Variants in ARHGEF28 observed in about 807,000 individuals in gnomAD.
The protein encoded by ARHGEF28 is 190 kDa guanine nucleotide exchange factor.
In ARHGEF28, 152 loss-of-function variants were observed where a neutral mutation model predicts 206.6. The ratio of observed to expected loss-of-function variants is 0.74; its 90% CI spans 0.64 to 0.84. The LOEUF (loss-of-function observed/expected upper bound fraction) is 0.84. ARHGEF28 is among the 40% of genes least tolerant of loss of function. ARHGEF28 has a pLI of 0.00. For synonymous variants in ARHGEF28, 763 were observed against 776.4 expected (o/e 0.98, Z 0.29); for missense variants, 2,028 against 2,073.2 (o/e 0.98, Z 0.42).
rs775513498 is a variant in ARHGEF28 at position 73,865,969 on chromosome 5, T to C, written c.2108T>C (p.Phe703Ser). 3 of 1,595,814 alleles carry C rather than the reference T, an allele frequency of 1.9e-6. No individual in the cohort carries two copies. Among genetic ancestry groups the C allele is most frequent in the Non-Finnish European group, 2.6e-6 (3 of 1,167,112 alleles). ...KDAAPACTKK[F>S]QEKYNKNKPQ... The stretch of plus-strand genomic sequence containing the variant: ...GTTTCTAATATTCTTTACCAGAAAT[T>C]CCAAGAGAAATATAACAAGAACAAA... Residue 703 changes from phenylalanine to serine, a missense_variant, in exon 18 of 36, where the codon TTC (phenylalanine) becomes TCC (serine). Transcript: ENST00000513042.
Position 73,898,085 on chromosome 5 carries a change from C to A in ARHGEF28, c.3965C>A (p.Pro1322Gln). 6.2e-7 allele frequency: 1 copy of A among 1,611,416 alleles called. No homozygotes were observed. Among genetic ancestry groups the A allele is most frequent in the Non-Finnish European group, 8.5e-7 (1 of 1,178,794 alleles). Residue 1322 changes from proline (P) to glutamine (Q), a missense_variant, in exon 30 of 36, where the codon CCG (proline) becomes CAG (glutamine). Pro to Gln is a moderately conservative substitution (Grantham distance 76). Around this residue, in one of 3 missense-constraint regions of ARHGEF28, gnomAD observed 803 missense variants for 768.0 expected, o/e 1.05. Transcript: ENST00000513042. ...TLSSHDVPGS[P>Q]TASLVTGGRE... ...AGTTCTCATGATGTACCAGGATCACCGACTGCCTGTAAGTGAAAATGCAGG... is the reference window on the plus strand; with the variant it reads ...AGTTCTCATGATGTACCAGGATCACAGACTGCCTGTAAGTGAAAATGCAGG...
intron 30 of ARHGEF28, chr5:73,899,911 G>T (rs889365677): frequency 2.0e-5 from 3 of 152,326 alleles, no homozygotes; most frequent in Admixed American, 2.0e-4. Flanking sequence ...TTTCCCATTT[G>T]ATTTTCCTAA....
chr5:73,705,145 C>G (rs184563716), intron 2 of ARHGEF28, among the ~76,000 whole-genome samples: 1 of 152,186 alleles, frequency 6.6e-6, no homozygotes, highest in African/African-American at 2.4e-5. Flanking sequence ...CAATTAACCC[C>G]TTGATTTGCT....
intron 2 of ARHGEF28, among the ~76,000 whole-genome samples, chr5:73,733,393 T>G (rs74422646): frequency 6.6e-6 from 1 of 152,142 alleles, no homozygotes; most frequent in East Asian, 1.9e-4. Context: ...TTAAGCCAGT[T>G]GTTTAAAGCT....
chr5:73,667,561 A>G (rs1291173812), intron 1 of ARHGEF28, among the ~76,000 whole-genome samples: 2 of 152,204 alleles, frequency 1.3e-5, no homozygotes, highest in African/African-American at 4.8e-5. Flanking sequence ...CATCATCTTG[A>G]TGAATAGACT....
At chr5:73,671,858 C>T (rs79899933) in intron 1 of ARHGEF28, among the ~76,000 whole-genome samples, 25,223 of 137,702 alleles carry the variant, frequency 0.18, 3,683 homozygotes, top group Non-Finnish European at 0.24. Context: ...CGGTTTCAAG[C>T]GATTCTCCTG....
chr5:73,932,228 T>C (rs1242259872), intron 35 of ARHGEF28, among the ~76,000 whole-genome samples: 1 of 152,226 alleles, frequency 6.6e-6, no homozygotes, highest in East Asian at 1.9e-4. Flanking sequence ...ATTCTAGTTT[T>C]TCTCATAATA....
At chr5:73,919,352 G>A (rs1188998459) in intron 35 of ARHGEF28, among the ~76,000 whole-genome samples, 1 of 152,214 alleles carries the variant, frequency 6.6e-6, no homozygotes, top group Non-Finnish European at 1.5e-5. Flanking sequence ...CAATCTCAGA[G>A]GAGGTGTTTG....
chr5:73,835,009 T>C (rs1757535204), intron 10 of ARHGEF28: 1 of 152,124 alleles, frequency 6.6e-6, no homozygotes, highest in Non-Finnish European at 1.5e-5. Context: ...CCCTAGGTAG[T>C]TTCAGGATGT....
chr5:73,821,575 C>T (rs901931431), intron 9 of ARHGEF28, among the ~76,000 whole-genome samples: 1 of 152,086 alleles, frequency 6.6e-6, no homozygotes, highest in African/African-American at 2.4e-5. Flanking sequence ...GCATCTTCCT[C>T]ATTAGTTTGT....
intron 2 of ARHGEF28, among the ~76,000 whole-genome samples, chr5:73,709,250 G>A (rs977268675): frequency 6.6e-6 from 1 of 152,162 alleles, no homozygotes; most frequent in Non-Finnish European, 1.5e-5. Flanking sequence ...TTTCTGTGGA[G>A]TGTGGCAAAT....
At chr5:73,906,398 C>T (rs1762558083) in intron 33 of ARHGEF28, among the ~76,000 whole-genome samples, 1 of 152,182 alleles carries the variant, frequency 6.6e-6, no homozygotes, top group African/African-American at 2.4e-5. Context: ...GCCACCAAGC[C>T]TGGCTAGTTT....
intron 2 of ARHGEF28, among the ~76,000 whole-genome samples, chr5:73,744,196 A>G (rs1337594584): frequency 6.6e-6 from 1 of 152,186 alleles, no homozygotes; most frequent in African/African-American, 2.4e-5. Flanking sequence ...CATATAAGAA[A>G]TAATATTTGC....
intron 35 of ARHGEF28, among the ~76,000 whole-genome samples, chr5:73,926,063 T>C (rs926818197): frequency 2.0e-5 from 3 of 152,230 alleles, no homozygotes; most frequent in Non-Finnish European, 4.4e-5. Flanking sequence ...CAAACCTCCA[T>C]GGTGCTGAGA....
intron 4 of ARHGEF28, among the ~76,000 whole-genome samples, chr5:73,764,238 C>G (rs191094807): frequency 1.3e-5 from 2 of 152,322 alleles, no homozygotes; most frequent in Admixed American, 1.3e-4. Flanking sequence ...AAATCCAGAG[C>G]TTTGAATCCT....
At chr5:73,701,108 G>T (rs1187756458) in intron 2 of ARHGEF28, among the ~76,000 whole-genome samples, 1 of 152,090 alleles carries the variant, frequency 6.6e-6, no homozygotes, top group East Asian at 1.9e-4. Flanking sequence ...TCCTGTTTTA[G>T]CAGTACAGTG....
chr5:73,630,379 CTA>C (rs746256164), intron 1 of ARHGEF28, among the ~76,000 whole-genome samples: 15 of 152,132 alleles, frequency 9.9e-5, no homozygotes, highest in Non-Finnish European at 2.1e-4. Context: ...TTTGCCCTGG[CTA>C]TGTGACCTCT....
intron 11 of ARHGEF28, 108 bp downstream of exon 11, chr5:73,840,868 GC>G: frequency 7.9e-7 from 1 of 1,261,400 alleles, no homozygotes; most frequent in Middle Eastern, 2.8e-4. Context: ...ACTTTTATTT[GC>G]CCATCAAAAT....
At position 73,650,590 on chromosome 5, in the gene ARHGEF28, G is replaced by A. The variant is rs141712840; in HGVS notation, c.-12+24268G>A. ...GAGCCACCGCGCCCAGCTGAGAGAT[G>A]TTTTCTAATGATGGAAATTACCTGT... On this transcript the variant is annotated intron_variant, in intron 1 of 35. Coordinates refer to ENST00000513042, the MANE Select transcript of ARHGEF28 (RefSeq NM_001177693.2). Among the ~76,000 whole-genome samples, 1,423 of 151,726 alleles carry A rather than the reference G, an allele frequency of 9.4e-3. 25 individuals are homozygous for A. Among genetic ancestry groups the A allele is most frequent in the African/African-American group, 0.032 (1,316 of 41,388 alleles).
Sources: allele counts gnomAD v4.1 joint callset (sites outside exome capture counted in the v4.1 genomes callset), GRCh38; gene constraint gnomAD v4.1.1; regional missense constraint gnomAD v4.1.1; transcripts MANE v1.5; gene names NCBI Gene and HGNC (gene_info 2026-07-23, HGNC 2026-07-21).